The following MEF2A variants were observed in gnomAD, a reference collection of about 807,000 sequenced individuals.
The protein encoded by MEF2A is myocyte enhancer factor 2A, also known as myocyte-specific enhancer factor 2A.
MEF2A carries 28 observed loss-of-function variants against 55.8 expected under a neutral mutation model. The ratio of observed to expected loss-of-function variants is 0.50; its 90% CI spans 0.37 to 0.69. The LOEUF is 0.69. Among genes scored for constraint, MEF2A ranks in the 30% least tolerant of loss-of-function variants. The pLI is 0.00. For synonymous variants in MEF2A, 239 were observed against 227.1 expected (o/e 1.05, Z -0.47); for missense variants, 528 against 626.2 (o/e 0.84, Z 1.67).
intron 2 of MEF2A, among the ~76,000 whole-genome samples, chr15:99,624,442 C>T (rs1018150399): frequency 6.6e-6 from 1 of 152,086 alleles, no homozygotes; most frequent in Non-Finnish European, 1.5e-5. Context: ...AAAGACTGTC[C>T]CGCATTGAAT....
At chr15:99,588,613 T>C (rs1968206032) in intron 1 of MEF2A, among the ~76,000 whole-genome samples, 2 of 151,908 alleles carry the variant, frequency 1.3e-5, no homozygotes, top group South Asian at 2.1e-4. Flanking sequence ...GCCTTAATTT[T>C]TGTATTTTTT....
At chr15:99,605,002 G>A (rs757817253) in intron 2 of MEF2A, among the ~76,000 whole-genome samples, 13 of 152,176 alleles carry the variant, frequency 8.5e-5, no homozygotes, top group Non-Finnish European at 1.9e-4. Context: ...CTGGAGTACA[G>A]TGGTGTGAGC....
intron 4 of MEF2A, among the ~76,000 whole-genome samples, chr15:99,656,311 C>A (rs1348463020): frequency 6.6e-6 from 1 of 152,092 alleles, no homozygotes; most frequent in Non-Finnish European, 1.5e-5. Flanking sequence ...AGTAAATGTA[C>A]TTAAAAAGAT....
At chr15:99,703,281 T>C (rs1027846195) in intron 8 of MEF2A, 81 bp from the exon 9 acceptor site, 3 of 1,334,460 alleles carry the variant, frequency 2.2e-6, no homozygotes, top group African/African-American at 1.5e-5. Flanking sequence ...TGTCCAAATA[T>C]GTTTTTTCTA....
intron 4 of MEF2A, chr15:99,657,310 C>A (rs770481259): frequency 4.4e-5 from 6 of 136,914 alleles, no homozygotes; most frequent in Non-Finnish European, 7.9e-5. Flanking sequence ...CTACATCTAA[C>A]TTAAAAAAAA....
chr15:99,712,457 T>C lies in MEF2A; in HGVS notation c.1204T>C (p.Ser402Pro). The C allele has an allele frequency of 1.3e-6, 2 of 1,551,390 alleles. No individual in the cohort carries two copies. The highest frequency in any genetic ancestry group is 2.4e-5 in the South Asian group (2 of 83,980). Residue 402 changes from serine (S) to proline (P), a missense_variant, in exon 12 of 12, where the codon TCC becomes CCC. Physicochemically the swap from Ser to Pro is moderately conservative, Grantham distance 74 (BLOSUM62 -1). This residue lies in a region of MEF2A where 450 missense variants were observed against 475.3 expected (regional missense o/e 0.95). Coordinates refer to ENST00000557942, the MANE Select transcript of MEF2A (RefSeq NM_001319206.4). This position sits in a 1 kb window ranked among gnomAD's most constrained non-coding sequence, Gnocchi z 4.1. ...TACCAACCAAAACATCAGCATCAAG[T>C]CCGAACCGATTTCACCTCCTCGGGA... The part of the protein sequence containing the change: ...INTNQNISIK[S>P]EPISPPRDRM...
At chr15:99,636,629 A>G (rs1258544051) in intron 3 of MEF2A, among the ~76,000 whole-genome samples, 2 of 152,084 alleles carry the variant, frequency 1.3e-5, no homozygotes, top group African/African-American at 4.8e-5. Context: ...ATGAGCCACC[A>G]CACCAGGCCT....
chr15:99,623,278 T>G (rs1471043770), intron 2 of MEF2A, among the ~76,000 whole-genome samples: 1 of 152,238 alleles, frequency 6.6e-6, no homozygotes, highest in Non-Finnish European at 1.5e-5. Context: ...ATTGTATGTA[T>G]GTACCACCTT....
intron 3 of MEF2A, among the ~76,000 whole-genome samples, chr15:99,643,590 G>T (rs1207617227): frequency 6.6e-6 from 1 of 150,454 alleles, no homozygotes; most frequent in East Asian, 1.9e-4. Flanking sequence ...TTTATATTGA[G>T]AATTTTTTTT....
At chr15:99,623,122 T>A (rs2041504160) in intron 2 of MEF2A, among the ~76,000 whole-genome samples, 1 of 152,236 alleles carries the variant, frequency 6.6e-6, no homozygotes, top group Non-Finnish European at 1.5e-5. Context: ...TGAATTTGAC[T>A]ACTTTACGTA....
At chr15:99,578,694 C>T (rs1000154453) in intron 1 of MEF2A, among the ~76,000 whole-genome samples, 1 of 152,288 alleles carries the variant, frequency 6.6e-6, no homozygotes, top group African/African-American at 2.4e-5. Context: ...TGCTATAACG[C>T]AGCATATTTA....
At chr15:99,589,071 G>T (rs752831808) in intron 1 of MEF2A, among the ~76,000 whole-genome samples, 13 of 151,982 alleles carry the variant, frequency 8.6e-5, no homozygotes, top group Non-Finnish European at 1.9e-4. Context: ...ATTTATACTG[G>T]CCTCCTTAAA....
At chr15:99,583,327 A>G (rs1966478180) in intron 1 of MEF2A, among the ~76,000 whole-genome samples, 2 of 152,188 alleles carry the variant, frequency 1.3e-5, no homozygotes, top group African/African-American at 4.8e-5. Context: ...TATCATGAAT[A>G]GAGCATCCAA....
intron 4 of MEF2A, among the ~76,000 whole-genome samples, chr15:99,658,376 A>G (rs2048093137): frequency 6.6e-6 from 1 of 152,226 alleles, no homozygotes; most frequent in South Asian, 2.1e-4. Flanking sequence ...GAAATTATCT[A>G]GAATTCAATG....
chr15:99,650,706 A>C (rs1050838529), intron 4 of MEF2A, among the ~76,000 whole-genome samples: 7 of 152,216 alleles, frequency 4.6e-5, no homozygotes, highest in Non-Finnish European at 1.0e-4. Context: ...TCCATCTATC[A>C]ATTAGAAAAT....
chr15:99,642,495 T>G (rs926717757), intron 3 of MEF2A, among the ~76,000 whole-genome samples: 62 of 152,306 alleles, frequency 4.1e-4, no homozygotes, highest in African/African-American at 1.3e-3. Context: ...GATTCTTTGA[T>G]TTTCATTATT....
chr15:99,703,644 A>G (rs1302438297), intron 9 of MEF2A, among the ~76,000 whole-genome samples: 1 of 135,966 alleles, frequency 7.4e-6, no homozygotes, highest in Non-Finnish European at 1.7e-5. Context: ...TGAGCATAGG[A>G]TACTTGTTAA....
At chr15:99,663,498 C>A (rs951129977) in intron 4 of MEF2A, among the ~76,000 whole-genome samples, 3 of 151,670 alleles carry the variant, frequency 2.0e-5, no homozygotes, top group Non-Finnish European at 4.4e-5. Context: ...AAATTTTAGA[C>A]AAGCTTATTT....
intron 1 of MEF2A, among the ~76,000 whole-genome samples, chr15:99,572,429 A>G (rs931617043): frequency 6.6e-6 from 1 of 152,098 alleles, no homozygotes; most frequent in Non-Finnish European, 1.5e-5. Context: ...TACACAGATT[A>G]TTTCCTTCAA....
Sources: gnomAD v4.1 joint callset for allele counts (sites outside exome capture counted in the v4.1 genomes callset) on GRCh38, gnomAD v4.1.1 for gene constraint, gnomAD v4.1.1 regional missense constraint, Gnocchi (gnomAD v3.1) non-coding constraint, MANE v1.5 for transcripts, NCBI Gene and HGNC (gene_info 2026-07-23, HGNC 2026-07-21) for gene names.